ITGA8: variants seen among roughly 807,000 people sequenced by gnomAD.
The protein encoded by ITGA8 is integrin alpha-8.
Under a neutral mutation model 142.3 loss-of-function variants are expected in ITGA8, and 91 were observed. The observed-to-expected ratio is 0.64, with a 90% CI of 0.54 to 0.76. ITGA8 has a LOEUF of 0.76. Ranked by LOEUF, ITGA8 falls within the 30% of genes least tolerant of loss-of-function variation. The pLI, the probability that ITGA8 is intolerant of heterozygous loss-of-function variation, is 0.00. For missense variants in ITGA8, 1,406 were observed against 1,327.7 expected (o/e 1.06, Z -0.92); for synonymous variants, 505 against 485.2 (o/e 1.04, Z -0.54).
intron 2 of ITGA8, among the ~76,000 whole-genome samples, chr10:15,704,192 T>C (rs563313478): frequency 1.8e-4 from 27 of 152,348 alleles, no homozygotes; most frequent in African/African-American, 6.3e-4. Context: ...GCCACTTCCC[T>C]AGTTATGGTC....
At chr10:15,541,927 C>T (rs192923426) in intron 27 of ITGA8, among the ~76,000 whole-genome samples, 5 of 152,190 alleles carry the variant, frequency 3.3e-5, no homozygotes, top group South Asian at 2.1e-4. Context: ...CCAGTACATT[C>T]GGCCCCTTGG....
At chr10:15,518,400 C>T (rs921479) in intron 29 of ITGA8, among the ~76,000 whole-genome samples, 146,960 of 152,338 alleles carry the variant, frequency 0.96, 71,095 homozygotes, top group Non-Finnish European at 1. Flanking sequence ...ATTCTAAAGG[C>T]ATGTCATAGA....
chr10:15,706,198 T>C (rs1053862496), intron 2 of ITGA8, among the ~76,000 whole-genome samples: 2 of 152,092 alleles, frequency 1.3e-5, no homozygotes, highest in African/African-American at 2.4e-5. Flanking sequence ...CTAAGTCTTA[T>C]TCCTTCAGTT....
At position 15,531,116 on chromosome 10, in the gene ITGA8, C is replaced by T. The variant is rs371748351; in HGVS notation, c.2916G>A (p.Val972=). 15 of 1,571,282 alleles carry T rather than the reference C, an allele frequency of 9.5e-6. No individual in the cohort carries two copies. The highest frequency in any genetic ancestry group is 1.4e-5 in the African/African-American group (1 of 72,662). The change falls in exon 28 of 30, where the codon GTG becomes GTA. Residue 972 remains valine (V), a synonymous_variant. Transcript: ENST00000378076. ...KNDPYALASL[V]SFEVKKMPYT... ...AAGGCATCTTCTTAACTTCAAAGGA[C>T]ACCAGGGATGCAAGAGCATAGGGAT... is the stretch of plus-strand genomic sequence containing the variant.
In ITGA8 at chr10:15,581,223, G is replaced by A. The variant is rs111645638; in HGVS notation, c.2372+5361C>T. On this transcript the variant is annotated intron_variant, in intron 23 of 29. Coordinates refer to ENST00000378076, the MANE Select transcript of ITGA8 (RefSeq NM_003638.3). ...GAGACTGAGATCAATTACATGGGCAGATGATCAATCATGCCTATGTCATAG... is the reference window on the plus strand; with the variant it reads ...GAGACTGAGATCAATTACATGGGCAAATGATCAATCATGCCTATGTCATAG... 2.8e-3 allele frequency among the ~76,000 whole-genome samples: 425 copies of A among 152,312 alleles called. 2 individuals carry two copies. Among genetic ancestry groups the A allele is most frequent in the Admixed American group, 5.3e-3 (81 of 15,296 alleles).
intron 4 of ITGA8, 129 bp downstream of exon 4, chr10:15,683,875 A>T: frequency 9.9e-7 from 1 of 1,005,126 alleles, no homozygotes; most frequent in Non-Finnish European, 1.5e-6. Context: ...AAAAATCTTT[A>T]CCTACCCCCG....
chr10:15,664,525 T>TATC (rs1471911570), intron 8 of ITGA8, among the ~76,000 whole-genome samples: 1 of 151,390 alleles, frequency 6.6e-6, no homozygotes, highest in Non-Finnish European at 1.5e-5. Context: ...CACATTTTAT[T>TATC]ATTATTATAC....
intron 28 of ITGA8, among the ~76,000 whole-genome samples, chr10:15,522,495 T>G (rs188090045): frequency 6.6e-6 from 1 of 152,190 alleles, no homozygotes; most frequent in African/African-American, 2.4e-5. Context: ...GTAGTGATCA[T>G]CTACTCACAG....
chr10:15,672,402 C>G (rs999579048), intron 7 of ITGA8, among the ~76,000 whole-genome samples: 3 of 152,184 alleles, frequency 2.0e-5, no homozygotes, highest in Admixed American at 2.0e-4. Flanking sequence ...GTGCAAAAAA[C>G]TGCTATGGAG....
chr10:15,601,400 C>T (rs191645206), intron 20 of ITGA8, among the ~76,000 whole-genome samples: 2 of 152,100 alleles, frequency 1.3e-5, no homozygotes, highest in South Asian at 2.1e-4. Context: ...TAGAATGGTG[C>T]TTACCAGGGC....
chr10:15,629,921 TAAAC>T (rs761339495), intron 13 of ITGA8, among the ~76,000 whole-genome samples: 8 of 151,878 alleles, frequency 5.3e-5, no homozygotes, highest in African/African-American at 7.3e-5. Context: ...GAGCAAGACT[TAAAC>T]AAACAACAAT....
At chr10:15,519,250 C>T (rs202085538) in intron 29 of ITGA8, 40 bp downstream of exon 29, 7 of 1,608,764 alleles carry the variant, frequency 4.4e-6, no homozygotes, top group Non-Finnish European at 5.9e-6. Flanking sequence ...CCCTCAACAG[C>T]CCCTCTAGTT....
At chr10:15,616,626 C>T in intron 13 of ITGA8, 67 bp from the exon 14 acceptor site, 7 of 1,335,098 alleles carry the variant, frequency 5.2e-6, no homozygotes, top group Admixed American at 1.7e-5. Flanking sequence ...AGTTCAAAAT[C>T]GTAAGTAGCA....
At position 15,522,600 on chromosome 10, in the gene ITGA8, G is replaced by A. The variant is rs1362623098; in HGVS notation, c.2983-3188C>T. Among the ~76,000 whole-genome samples, 3 of 152,180 alleles carry A rather than the reference G, an allele frequency of 2.0e-5. No homozygotes were observed. In the East Asian group the frequency reaches 5.8e-4, roughly 29 times the overall value. On this transcript the variant is annotated intron_variant, in intron 28 of 29. Transcript: ENST00000378076. ...CTTCCTCATAACCCCCAAGTCCATT[G>A]AGGACACAATATAGTTTTAGTCCCT...
At chr10:15,685,916 T>A (rs1479863180) in intron 3 of ITGA8, among the ~76,000 whole-genome samples, 1 of 152,188 alleles carries the variant, frequency 6.6e-6, no homozygotes, top group Non-Finnish European at 1.5e-5. Context: ...GTCAAGTAAA[T>A]GAAATAACAT....
chr10:15,623,569 C>T (rs988623380), intron 13 of ITGA8, among the ~76,000 whole-genome samples: 13 of 152,214 alleles, frequency 8.5e-5, no homozygotes, highest in African/African-American at 3.1e-4. Flanking sequence ...GCCTTTAATC[C>T]CAGCTACTCA....
chr10:15,557,118 T>C (rs1833901018), intron 26 of ITGA8, among the ~76,000 whole-genome samples: 2 of 152,178 alleles, frequency 1.3e-5, no homozygotes, highest in South Asian at 4.1e-4. Context: ...TGGTGGCTCA[T>C]GCCTATACTC....
At chr10:15,671,718 G>C in intron 7 of ITGA8, 71 bp from the exon 8 acceptor site, 1 of 1,184,246 alleles carries the variant, frequency 8.4e-7, no homozygotes, top group Non-Finnish European at 1.3e-6. Context: ...TCTAGAAAAA[G>C]GTGAAAGGGC....
In ITGA8 at chr10:15,679,409, C is replaced by G. The variant is rs973274414; in HGVS notation, c.569-626G>C. ...ACCATCCTGGCCAACATGGTGAACC[C>G]CATCTCCACTAAAACCACAAAAATT... On this transcript the variant is annotated intron_variant, in intron 4 of 29. Transcript: ENST00000378076. Among the ~76,000 whole-genome samples, 3 of 152,020 alleles carry G rather than the reference C, an allele frequency of 2.0e-5. No homozygotes were observed. In the South Asian group the frequency reaches 6.2e-4, roughly 32 times the overall value.
Sources: allele counts gnomAD v4.1 joint callset (sites outside exome capture counted in the v4.1 genomes callset), GRCh38; gene constraint gnomAD v4.1.1; transcripts MANE v1.5; gene names NCBI Gene and HGNC (gene_info 2026-07-23, HGNC 2026-07-21).